Variants in WDPCP observed in about 807,000 individuals in gnomAD.
WDPCP encodes WD repeat containing planar cell polarity effector, also known as WD repeat-containing and planar cell polarity effector protein fritz homolog.
In WDPCP, 71 loss-of-function variants were observed where a neutral mutation model predicts 93.1. That is an observed-to-expected ratio of 0.76 (90% CI 0.63 to 0.93). WDPCP has a LOEUF of 0.93. Ranked by LOEUF, WDPCP falls within the 40% of genes least tolerant of loss-of-function variation. The probability of loss-of-function intolerance (pLI) is 0.00; values close to 1 mark genes in which losing one functional copy is unlikely to be tolerated. For synonymous variants in WDPCP, 315 were observed against 315.0 expected, an observed-to-expected ratio of 1.00 and a Z score of 0.00; for missense variants, 844 against 887.4, an observed-to-expected ratio of 0.95 and a Z score of 0.62.
At chr2:63,484,693 A>G (rs772723305) in intron 5 of WDPCP, 30 bp from the exon 6 acceptor site, 3 of 1,612,498 alleles carry the variant, frequency 1.9e-6, no homozygotes, top group South Asian at 1.1e-5. Flanking sequence ...GAGAGAGCGT[A>G]GTTGGCTGTA....
intron 1 of WDPCP, among the ~76,000 whole-genome samples, chr2:63,537,774 T>C (rs1394368357): frequency 6.6e-6 from 1 of 152,170 alleles, no homozygotes; most frequent in Non-Finnish European, 1.5e-5. Context: ...TCCTCAATCA[T>C]AACATCATCT....
At chr2:63,367,087 AATC>A (rs1469858815) in intron 12 of WDPCP, among the ~76,000 whole-genome samples, 1 of 151,194 alleles carries the variant, frequency 6.6e-6, no homozygotes, top group East Asian at 1.9e-4. Context: ...AAATATATGC[AATC>A]ATCATTTGTA....
chr2:63,192,321 A>G (rs1675113543), intron 14 of WDPCP, among the ~76,000 whole-genome samples: 1 of 152,308 alleles, frequency 6.6e-6, no homozygotes, highest in Middle Eastern at 3.4e-3. Context: ...CATCTCTAAA[A>G]TATTTCTTAC....
At chr2:63,648,788 T>C (rs1710079632) in intron 3 of WDPCP, among the ~76,000 whole-genome samples, 1 of 152,222 alleles carries the variant, frequency 6.6e-6, no homozygotes, top group Non-Finnish European at 1.5e-5. Context: ...TCCACTCTGG[T>C]GAACACAGCA....
At chr2:63,392,291 T>C (rs964859831) in intron 10 of WDPCP, among the ~76,000 whole-genome samples, 3 of 152,196 alleles carry the variant, frequency 2.0e-5, no homozygotes, top group East Asian at 1.9e-4. Flanking sequence ...GGGGAAAGGA[T>C]TCCCTATTTA....
chr2:63,375,056 G>A (rs148184765), intron 12 of WDPCP, among the ~76,000 whole-genome samples: 229 of 152,084 alleles, frequency 1.5e-3, no homozygotes, highest in African/African-American at 5.2e-3. Context: ...GAAAACAACA[G>A]TCTCACAGTT....
At chr2:63,700,116 T>C (rs1002020144) in intron 2 of WDPCP, among the ~76,000 whole-genome samples, 9 of 151,496 alleles carry the variant, frequency 5.9e-5, no homozygotes, top group African/African-American at 2.2e-4. Context: ...CCAAACCTCA[T>C]ACAAAAAATG....
In WDPCP at chr2:63,725,775, G is replaced by C. The variant is rs2103807915; in HGVS notation, n.309-74937C>G. Among the ~76,000 whole-genome samples the C allele has an allele frequency of 2.0e-5, 3 of 152,156 alleles. No individual in the cohort carries two copies. The South Asian group carries it at 6.2e-4, about 32-fold the overall frequency. On this transcript the variant is annotated intron_variant and non_coding_transcript_variant, in intron 2 of 4. Coordinates refer to the WDPCP transcript ENST00000467687. ...TGAGATGGTATCTCATTGTGGTTTTGATTTAAATTTCTCTGATGATTGGTG... is the reference window on the plus strand; with the variant it reads ...TGAGATGGTATCTCATTGTGGTTTTCATTTAAATTTCTCTGATGATTGGTG...
intron 2 of WDPCP, among the ~76,000 whole-genome samples, chr2:63,677,509 T>C (rs1179398338): frequency 1.3e-5 from 2 of 149,302 alleles, no homozygotes; most frequent in African/African-American, 2.5e-5. Context: ...ACCATGCCTA[T>C]GCACGTGACG....
At chr2:63,693,893 T>C (rs1021237489) in intron 2 of WDPCP, among the ~76,000 whole-genome samples, 4 of 152,182 alleles carry the variant, frequency 2.6e-5, no homozygotes, top group Admixed American at 6.5e-5. Flanking sequence ...AATGGACCAT[T>C]CACTAATGCT....
At chr2:63,580,222 G>T (rs1019584224) in intron 1 of WDPCP, among the ~76,000 whole-genome samples, 1 of 152,176 alleles carries the variant, frequency 6.6e-6, no homozygotes, top group African/African-American at 2.4e-5. Flanking sequence ...TTACTAAGTG[G>T]TGAAAAAATG....
intron 15 of WDPCP, among the ~76,000 whole-genome samples, chr2:63,166,703 T>C (rs903161216): frequency 3.9e-5 from 6 of 152,228 alleles, no homozygotes; most frequent in Non-Finnish European, 1.5e-5. Context: ...GTACATGAGA[T>C]ATTTTGATAT....
chr2:63,422,118 A>G (rs1473061131), intron 9 of WDPCP, among the ~76,000 whole-genome samples: 1 of 152,250 alleles, frequency 6.6e-6, no homozygotes, highest in East Asian at 1.9e-4. Flanking sequence ...ACTCAGGCGT[A>G]AAATACCATT....
intron 1 of WDPCP, among the ~76,000 whole-genome samples, chr2:63,544,472 T>C (rs1704984089): frequency 6.6e-6 from 1 of 152,188 alleles, no homozygotes; most frequent in Non-Finnish European, 1.5e-5. Flanking sequence ...AATACATATT[T>C]CAAATGTGTT....
At chr2:63,330,845 A>G (rs527912995) in intron 12 of WDPCP, among the ~76,000 whole-genome samples, 2 of 143,204 alleles carry the variant, frequency 1.4e-5, no homozygotes, top group East Asian at 4.0e-4. Flanking sequence ...CTTAGGATGC[A>G]TATGTTCACT....
chr2:63,194,660 G>A (rs1675289566), intron 14 of WDPCP, among the ~76,000 whole-genome samples: 1 of 152,122 alleles, frequency 6.6e-6, no homozygotes, highest in Non-Finnish European at 1.5e-5. Context: ...TTGGGGAGAT[G>A]TAAAGGTATT....
At chr2:63,403,848 T>C in intron 10 of WDPCP, 200 bp downstream of exon 10, 1 of 676,052 alleles carries the variant, frequency 1.5e-6, no homozygotes, top group South Asian at 2.1e-5. Flanking sequence ...TAGTGCAATT[T>C]ACAAATTATT....
At chr2:63,491,708 G>C (rs1700889038) in intron 2 of WDPCP, among the ~76,000 whole-genome samples, 1 of 152,096 alleles carries the variant, frequency 6.6e-6, no homozygotes, top group Non-Finnish European at 1.5e-5. Flanking sequence ...AGCATGAAAG[G>C]TATCTCACAA....
intron 10 of WDPCP, among the ~76,000 whole-genome samples, chr2:63,389,293 C>A (rs1693013229): frequency 6.6e-6 from 1 of 152,104 alleles, no homozygotes; most frequent in South Asian, 2.1e-4. Context: ...CATATCCAGC[C>A]AAACTAAGCT....
Sources: gnomAD v4.1 joint callset for allele counts (sites outside exome capture counted in the v4.1 genomes callset) on GRCh38, gnomAD v4.1.1 for gene constraint, MANE v1.5 for transcripts, NCBI Gene and HGNC (gene_info 2026-07-23, HGNC 2026-07-21) for gene names.